The following ADGRE1 variants were observed in gnomAD, a reference collection of about 807,000 sequenced individuals.
ADGRE1 encodes EGF-like module receptor 1.
In ADGRE1, 82 loss-of-function variants were observed where a neutral mutation model predicts 102.7. The ratio of observed to expected loss-of-function variants is 0.80; its 90% confidence interval spans 0.67 to 0.96. The LOEUF is 0.96. Ranked by LOEUF, ADGRE1 falls within the 40% of genes least tolerant of loss-of-function variation. The probability of loss-of-function intolerance (pLI) is 0.00; values close to 1 mark genes in which losing one functional copy is unlikely to be tolerated. For missense variants in ADGRE1, 1,032 were observed against 1,085.3 expected (o/e 0.95, Z 0.69); for synonymous variants, 398 against 399.6 (o/e 1.00, Z 0.05).
chr19:6,901,771 C>G (rs1973771854), intron 5 of ADGRE1, 104 bp from the exon 6 acceptor site: 1 of 1,194,698 alleles, frequency 8.4e-7, no homozygotes, highest in South Asian at 1.3e-5. Flanking sequence ...GGAGCATCAG[C>G]CCTGTCTGCT....
chr19:6,927,279 C>T (rs1974961122), intron 16 of ADGRE1, among the ~76,000 whole-genome samples: 1 of 137,064 alleles, frequency 7.3e-6, no homozygotes, highest in African/African-American at 2.7e-5. Flanking sequence ...CCTTGCCTTC[C>T]TTCCCTTCCC....
At chr19:6,893,545 T>C (rs990321369) in intron 2 of ADGRE1, among the ~76,000 whole-genome samples, 8 of 152,234 alleles carry the variant, frequency 5.3e-5, no homozygotes, top group Non-Finnish European at 1.2e-4. Flanking sequence ...ATTGAGTACA[T>C]ATACGACATC....
intron 12 of ADGRE1, among the ~76,000 whole-genome samples, 180 bp from the exon 13 acceptor site, chr19:6,919,368 G>T (rs1974532166): frequency 6.8e-6 from 1 of 146,568 alleles, no homozygotes; most frequent in African/African-American, 2.5e-5. Flanking sequence ...AAGCCCGCTG[G>T]TTATTTTAAT....
Position 6,933,385 on chromosome 19 carries a change from CTTT to C in ADGRE1, c.2290-1585_2290-1583del, listed in dbSNP as rs34493324. Among the ~76,000 whole-genome samples the C allele has an allele frequency of 5.6e-3, 726 of 129,844 alleles. 5 individuals carry two copies. The highest frequency in any genetic ancestry group is 0.02 in the African/African-American group (693 of 34,324). The allele number at this position is 129,844 out of a possible 152,430, so 85.2% of individuals were successfully genotyped here. A position where few individuals can be genotyped will look rare whatever the true frequency, so the allele number is the denominator to read the frequency against. ...AGGGGAAGTTGGCAAAGTGTGAAGA[CTTT>C]TTTTTTTTTTTTTTTTGAGACAGAG... is the stretch of plus-strand genomic sequence containing the variant. On this transcript the variant is annotated intron_variant, in intron 17 of 20. Coordinates refer to ENST00000312053, the MANE Select transcript of ADGRE1 (RefSeq NM_001974.5).
chr19:6,887,687 T>G (rs373948831), intron 1 of ADGRE1, 48 bp downstream of exon 1: 4 of 1,588,276 alleles, frequency 2.5e-6, no homozygotes. Flanking sequence ...GGATTGGAAA[T>G]AGACTTCAGG....
chr19:6,891,626 T>C (rs1299022875), intron 2 of ADGRE1, among the ~76,000 whole-genome samples: 1 of 152,002 alleles, frequency 6.6e-6, no homozygotes. Flanking sequence ...GCTAATTTTT[T>C]TGTATTTTTA....
chr19:6,895,172 C>T (rs1337212199), intron 2 of ADGRE1: 1 of 152,252 alleles, frequency 6.6e-6, no homozygotes, highest in Admixed American at 6.5e-5. Context: ...AAATGGATCA[C>T]CCCAGTCTGT....
intron 17 of ADGRE1, 85 bp from the exon 18 acceptor site, chr19:6,934,902 C>A: frequency 1.1e-6 from 1 of 916,044 alleles, no homozygotes; most frequent in Non-Finnish European, 1.5e-6. Flanking sequence ...CCACCACGCC[C>A]AGCCCAGAGT....
intron 20 of ADGRE1, among the ~76,000 whole-genome samples, chr19:6,939,032 G>C (rs568101097): frequency 4.0e-4 from 61 of 152,134 alleles, no homozygotes; most frequent in African/African-American, 1.4e-3. Context: ...CTGACCTCAG[G>C]TGATCCACCT....
At chr19:6,938,273 G>A (rs1975514941) in intron 20 of ADGRE1, among the ~76,000 whole-genome samples, 2 of 151,976 alleles carry the variant, frequency 1.3e-5, no homozygotes, top group Admixed American at 1.3e-4. Flanking sequence ...AGAGGCGGAG[G>A]TTGCAGTGAG....
intron 16 of ADGRE1, among the ~76,000 whole-genome samples, chr19:6,927,212 T>G (rs1974955484): frequency 9.1e-6 from 1 of 110,196 alleles, no homozygotes; most frequent in African/African-American, 3.5e-5. Flanking sequence ...TCCTCCCTTC[T>G]TCCTCCCTCC....
intron 15 of ADGRE1, among the ~76,000 whole-genome samples, chr19:6,925,794 C>G (rs1351688319): frequency 1.3e-5 from 2 of 152,080 alleles, no homozygotes; most frequent in Non-Finnish European, 2.9e-5. Flanking sequence ...CTACCAGGCT[C>G]AAGCGATCCT....
chr19:6,897,275 C>G lies in ADGRE1; in HGVS notation c.365C>G (p.Pro122Arg), dbSNP rs772745172. 1 of 1,613,826 alleles carries G rather than the reference C, an allele frequency of 6.2e-7. No homozygotes were observed. The highest frequency in any genetic ancestry group is 1.1e-5 in the South Asian group (1 of 91,050). Residue 122 changes from proline to arginine, a missense_variant, in exon 4 of 21, where the codon CCA becomes CGA. By Grantham distance (103) the Pro-to-Arg change is moderately radical (BLOSUM62 -2). Transcript: ENST00000312053. ...TCTCCCACTGGAAATGACTGGGTCC[C>G]AGGAAAGCCGGGCAATTTCTCCTGT... ...FSSPTGNDWV[P>R]GKPGNFSCTD...
At chr19:6,932,163 G>A (rs11881825) in intron 17 of ADGRE1, among the ~76,000 whole-genome samples, 79,282 of 151,976 alleles carry the variant, frequency 0.52, 22,318 homozygotes, top group African/African-American at 0.73. Flanking sequence ...TTATTGAAAG[G>A]GTGGACTAGA....
intron 20 of ADGRE1, among the ~76,000 whole-genome samples, chr19:6,938,838 C>G (rs1975552805): frequency 6.6e-6 from 1 of 151,116 alleles, no homozygotes; most frequent in South Asian, 2.1e-4. Context: ...CTCTGTAACC[C>G]AGGCTGGAGT....
At chr19:6,938,218 T>G (rs1175827084) in intron 20 of ADGRE1, among the ~76,000 whole-genome samples, 1 of 151,980 alleles carries the variant, frequency 6.6e-6, no homozygotes, top group African/African-American at 2.4e-5. Flanking sequence ...GTGTCTGTAA[T>G]CCCAGCTACT....
chr19:6,926,634 T>A (rs924223166), intron 16 of ADGRE1, 33 bp downstream of exon 16: 4 of 1,605,930 alleles, frequency 2.5e-6, no homozygotes, highest in Non-Finnish European at 3.4e-6. Flanking sequence ...CTGAAGACCC[T>A]GCTGCCAGGG....
chr19:6,902,114 C>T, intron 6 of ADGRE1, 93 bp downstream of exon 6: 12 of 1,465,652 alleles, frequency 8.2e-6, no homozygotes, highest in Non-Finnish European at 1.1e-5. Context: ...GAGTTTGAGA[C>T]TTTCATCTGC....
Position 6,940,177 on chromosome 19 carries a change from C to T in ADGRE1, c.*148C>T, listed in dbSNP as rs1975613707. On this transcript the variant is annotated 3_prime_UTR_variant, in exon 21 of 21. Coordinates refer to ENST00000312053, the MANE Select transcript of ADGRE1 (RefSeq NM_001974.5). ...ACCCTCTGGGGAAGAATGTTGGGGG[C>T]GGTCTTCCTGTGGTTGTATGCACTG... The T allele has an allele frequency of 3.1e-6, 3 of 958,458 alleles. No individual in the cohort carries two copies. Among genetic ancestry groups the T allele is most frequent in the East Asian group, 5.2e-5 (2 of 38,598 alleles). 59.4% of individuals were successfully genotyped at this position (958,458 alleles called of 1,614,324 possible).
Sources: allele counts gnomAD v4.1 joint callset (sites outside exome capture counted in the v4.1 genomes callset), GRCh38; gene constraint gnomAD v4.1.1; transcripts MANE v1.5; gene names NCBI Gene and HGNC (gene_info 2026-07-23, HGNC 2026-07-21).